PSD3: variants seen among roughly 807,000 people sequenced by gnomAD.
The protein encoded by PSD3 is PH and SEC7 domain-containing protein 3.
A neutral mutation model predicts 105.5 loss-of-function variants in PSD3; 49 were observed. The ratio of observed to expected loss-of-function variants is 0.46; its 90% CI spans 0.37 to 0.59. The LOEUF (loss-of-function observed/expected upper bound fraction) is 0.59. Among genes scored for constraint, PSD3 ranks in the 20% least tolerant of loss-of-function variants. The probability of loss-of-function intolerance (pLI) is 0.00; values close to 1 mark genes in which losing one functional copy is unlikely to be tolerated. For synonymous variants in PSD3, 557 were observed against 457.8 expected (o/e 1.22, Z -2.77); for missense variants, 1,561 against 1,263.8 (o/e 1.24, Z -3.57).
At chr8:18,957,407 C>A (rs1422911510) in intron 1 of PSD3, among the ~76,000 whole-genome samples, 5 of 151,028 alleles carry the variant, frequency 3.3e-5, no homozygotes, top group African/African-American at 9.7e-5. Flanking sequence ...ACACAGGAAA[C>A]AACAGTGACT....
chr8:18,769,234 C>T lies in PSD3; in HGVS notation c.2083-3696G>A, dbSNP rs541055205. The stretch of plus-strand genomic sequence containing the variant: ...AAGTCAGGTGGTGTTTAATTCTTTG[C>T]TTTAAATGAAAATAAAGGAAGGTCT... On this transcript the variant is annotated intron_variant, in intron 8 of 15. Transcript: ENST00000327040. 3.9e-5 allele frequency among the ~76,000 whole-genome samples: 6 copies of T among 152,198 alleles called. No homozygotes were observed. In the South Asian group the frequency reaches 1.2e-3, roughly 32 times the overall value.
At chr8:18,644,345 C>T (rs1807873013) in intron 10 of PSD3, among the ~76,000 whole-genome samples, 1 of 152,280 alleles carries the variant, frequency 6.6e-6, no homozygotes, top group African/African-American at 2.4e-5. Flanking sequence ...TACTTAGCTC[C>T]ATCAACATTT....
chr8:18,554,425 A>G (rs1563316359), intron 15 of PSD3, among the ~76,000 whole-genome samples: 1 of 152,086 alleles, frequency 6.6e-6, no homozygotes, highest in Non-Finnish European at 1.5e-5. Context: ...TTTGCTGGTA[A>G]GGCTTCTACG....
chr8:19,017,763 A>C (rs530375279), upstream of PSD3, among the ~76,000 whole-genome samples: 1 of 152,356 alleles, frequency 6.6e-6, no homozygotes, highest in East Asian at 1.9e-4. Flanking sequence ...GCTAAATAAT[A>C]TTCCATTGTG....
At chr8:18,732,049 T>C (rs1803794942) in intron 9 of PSD3, among the ~76,000 whole-genome samples, 1 of 152,092 alleles carries the variant, frequency 6.6e-6, no homozygotes, top group African/African-American at 2.4e-5. Context: ...GTCTCTCATA[T>C]ACAACTAGAA....
chr8:18,593,914 A>T (rs1803803422), intron 12 of PSD3, among the ~76,000 whole-genome samples: 1 of 137,964 alleles, frequency 7.2e-6, no homozygotes, highest in South Asian at 2.3e-4. Flanking sequence ...CATAGGTGGG[A>T]ATTGAACAAT....
chr8:18,728,009 G>A (rs1803459550), intron 9 of PSD3, among the ~76,000 whole-genome samples: 1 of 151,878 alleles, frequency 6.6e-6, no homozygotes, highest in Admixed American at 6.6e-5. Flanking sequence ...ATCAATGCCT[G>A]AAGACTGGAC....
chr8:18,866,216 A>T (rs1390890863), intron 4 of PSD3, among the ~76,000 whole-genome samples: 3 of 152,202 alleles, frequency 2.0e-5, no homozygotes, highest in Non-Finnish European at 4.4e-5. Flanking sequence ...GTGAAAGGGG[A>T]GGACTAAGGT....
At chr8:18,681,383 G>A (rs553590002) in intron 9 of PSD3, among the ~76,000 whole-genome samples, 1 of 147,672 alleles carries the variant, frequency 6.8e-6, no homozygotes, top group East Asian at 2.0e-4. Context: ...GAGGTGGAAG[G>A]ACTGCTTGAG....
At chr8:18,877,684 C>T (rs948858634) in intron 2 of PSD3, among the ~76,000 whole-genome samples, 1 of 151,736 alleles carries the variant, frequency 6.6e-6, no homozygotes, top group African/African-American at 2.4e-5. Flanking sequence ...TGGGGCTATA[C>T]GCATGCACCA....
intron 1 of PSD3, among the ~76,000 whole-genome samples, chr8:19,058,546 T>TAC (rs949252481): frequency 1.3e-5 from 2 of 151,026 alleles, no homozygotes; most frequent in Admixed American, 1.3e-4. Context: ...GAACTGTACA[T>TAC]ACACACACAC....
intron 4 of PSD3, among the ~76,000 whole-genome samples, chr8:18,845,283 A>G (rs559747014): frequency 1.3e-5 from 2 of 152,298 alleles, no homozygotes; most frequent in South Asian, 2.1e-4. Flanking sequence ...GGCGAGAGGA[A>G]CGGCTGTCAT....
At chr8:19,067,595 G>A (rs182804411) in intron 1 of PSD3, among the ~76,000 whole-genome samples, 5 of 152,172 alleles carry the variant, frequency 3.3e-5, no homozygotes, top group East Asian at 3.9e-4. Flanking sequence ...AACCACAGTC[G>A]GGTGGTTCAG....
chr8:18,895,044 C>T (rs1028392526), intron 2 of PSD3, among the ~76,000 whole-genome samples: 3 of 152,196 alleles, frequency 2.0e-5, no homozygotes, highest in Admixed American at 6.5e-5. Flanking sequence ...GGCCACCCCA[C>T]CCTTTGAAAG....
intron 9 of PSD3, among the ~76,000 whole-genome samples, chr8:18,701,730 G>C (rs997044576): frequency 6.6e-6 from 1 of 152,138 alleles, no homozygotes; most frequent in Non-Finnish European, 1.5e-5. Flanking sequence ...GTAATATTTG[G>C]AGTATGACTT....
rs1272436570 is a variant in PSD3 at position 18,804,687 on chromosome 8, A to G, written c.1829+17T>C. 1.9e-6 allele frequency: 3 copies of G among 1,612,970 alleles called. No individual in the cohort carries two copies. The highest frequency in any genetic ancestry group is 2.2e-5 in the South Asian group (2 of 90,884). ...AACAGGAGAGAATTCAGACTCCAGC[A>G]ATGGGTCAGAACGTACTTCTTGCCA... On this transcript the variant is annotated intron_variant, in intron 5 of 15. Coordinates refer to ENST00000327040, the MANE Select transcript of PSD3 (RefSeq NM_015310.4).
rs192155479 is a variant in PSD3 at position 19,041,864 on chromosome 8, A to G, written c.324+42342T>C. Among the ~76,000 whole-genome samples, 530 of 152,328 alleles carry G rather than the reference A, an allele frequency of 3.5e-3. 1 individual carries two copies. Among genetic ancestry groups the G allele is most frequent in the Non-Finnish European group, 5.8e-3 (393 of 68,028 alleles). ...ATTATTTCAAAACTGTGCCTTTCCT[A>G]TGTGGCTTTACAGAGGGTTAAAAGA... On this transcript the variant is annotated intron_variant, in intron 1 of 1. Transcript: ENST00000521475.
intron 1 of PSD3, among the ~76,000 whole-genome samples, chr8:19,011,781 AAC>A (rs1826963437): frequency 6.6e-6 from 1 of 151,802 alleles, no homozygotes; most frequent in Non-Finnish European, 1.5e-5. Flanking sequence ...AAAAAAAAAA[AAC>A]AACAACAACA....
intron 2 of PSD3, among the ~76,000 whole-genome samples, chr8:18,876,666 C>G (rs541919298): frequency 7.2e-5 from 11 of 152,164 alleles, no homozygotes; most frequent in African/African-American, 2.4e-4. Context: ...TCCTAAAGCG[C>G]TGGCATTACA....
Sources: gnomAD v4.1 joint callset for allele counts (sites outside exome capture counted in the v4.1 genomes callset) on GRCh38, gnomAD v4.1.1 for gene constraint, MANE v1.5 for transcripts, NCBI Gene and HGNC (gene_info 2026-07-23, HGNC 2026-07-21) for gene names.